Variants in CNTNAP2 observed in about 807,000 individuals in gnomAD.
CNTNAP2 encodes the protein contactin associated protein 2.
A neutral mutation model predicts 155.2 loss-of-function variants in CNTNAP2; 98 were observed. The ratio of observed to expected loss-of-function variants is 0.63; its 90% CI spans 0.54 to 0.75. The LOEUF is 0.75. Among genes scored for constraint, CNTNAP2 ranks in the 30% least tolerant of loss-of-function variants. CNTNAP2 has a pLI of 0.00. For synonymous variants in CNTNAP2, 651 were observed against 631.2 expected (o/e 1.03, Z -0.47); for missense variants, 1,727 against 1,688.1 (o/e 1.02, Z -0.40).
At chr7:147,394,062 C>A (rs1796768225) in intron 9 of CNTNAP2, among the ~76,000 whole-genome samples, 1 of 151,950 alleles carries the variant, frequency 6.6e-6, no homozygotes, top group South Asian at 2.1e-4. Flanking sequence ...ATTGTAGTTC[C>A]CATAATCCCT....
chr7:147,009,147 G>A (rs560278114), intron 3 of CNTNAP2, among the ~76,000 whole-genome samples: 3 of 151,890 alleles, frequency 2.0e-5, no homozygotes, highest in Non-Finnish European at 4.4e-5. Flanking sequence ...TATAAGTAGC[G>A]CAAGTTTCCA....
At position 146,322,634 on chromosome 7, in the gene CNTNAP2, C is replaced by CTTTTTTTTTTTTTTTTTTTTTTTT. The variant is rs56287346; in HGVS notation, c.97+205679_97+205680insTTTTTTTTTTTTTTTTTTTTTTTT. Among the ~76,000 whole-genome samples, 7 of 64,960 alleles carry CTTTTTTTTTTTTTTTTTTTTTTTT rather than the reference C, an allele frequency of 1.1e-4. 3 individuals are homozygous for CTTTTTTTTTTTTTTTTTTTTTTTT. Among genetic ancestry groups the CTTTTTTTTTTTTTTTTTTTTTTTT allele is most frequent in the Non-Finnish European group, 1.4e-4 (5 of 36,418 alleles). The allele number at this position is 64,960 out of a possible 152,430, so 42.6% of individuals were successfully genotyped here. The stretch of plus-strand genomic sequence containing the variant: ...AAGAGGAGACTGTTGTGTTCATTCT[C>CTTTTTTTTTTTTTTTTTTTTTTTT]TTTTTTTTTTTTTTTTTTGCTGGCT... On this transcript the variant is annotated intron_variant, in intron 1 of 23. Coordinates refer to ENST00000361727, the MANE Select transcript of CNTNAP2 (RefSeq NM_014141.6).
chr7:148,367,954 GAAAAT>G (rs1284483744), intron 21 of CNTNAP2, among the ~76,000 whole-genome samples: 4 of 152,166 alleles, frequency 2.6e-5, no homozygotes, highest in Non-Finnish European at 5.9e-5. Flanking sequence ...GCCCAGCTGA[GAAAAT>G]AAGCACACAG....
At chr7:147,298,630 GT>G (rs1794882776) in intron 8 of CNTNAP2, among the ~76,000 whole-genome samples, 1 of 152,140 alleles carries the variant, frequency 6.6e-6, no homozygotes, top group Non-Finnish European at 1.5e-5. Flanking sequence ...AACTAGTAAT[GT>G]ATGATTTTCC....
chr7:147,817,922 A>G (rs1008685321), intron 13 of CNTNAP2, among the ~76,000 whole-genome samples: 1 of 149,818 alleles, frequency 6.7e-6, no homozygotes, highest in African/African-American at 2.5e-5. Flanking sequence ...AAAAAAAAAA[A>G]TAGCAAAGAA....
intron 4 of CNTNAP2, among the ~76,000 whole-genome samples, chr7:147,057,577 T>A (rs1563060319): frequency 6.6e-6 from 1 of 152,158 alleles, no homozygotes; most frequent in Non-Finnish European, 1.5e-5. Context: ...ACTGGAATCT[T>A]TTGCAACATC....
intron 1 of CNTNAP2, among the ~76,000 whole-genome samples, chr7:146,730,160 A>G (rs1801498840): frequency 6.6e-6 from 1 of 152,220 alleles, no homozygotes; most frequent in Admixed American, 6.5e-5. Context: ...CAAAAGAAAC[A>G]TACTGAGACT....
At chr7:147,063,389 A>G (rs1234391600) in intron 4 of CNTNAP2, among the ~76,000 whole-genome samples, 1 of 152,186 alleles carries the variant, frequency 6.6e-6, no homozygotes, top group Non-Finnish European at 1.5e-5. Flanking sequence ...TTGCTCAGCA[A>G]TTTACACTAG....
intron 10 of CNTNAP2, among the ~76,000 whole-genome samples, chr7:147,460,439 C>T (rs1159581546): frequency 6.6e-6 from 1 of 152,112 alleles, no homozygotes; most frequent in Non-Finnish European, 1.5e-5. Context: ...AAATCTGTGG[C>T]TGCATAAATT....
chr7:146,137,608 T>C (rs1047099982), intron 1 of CNTNAP2, among the ~76,000 whole-genome samples: 1 of 152,118 alleles, frequency 6.6e-6, no homozygotes, highest in Non-Finnish European at 1.5e-5. Flanking sequence ...CATTATTTTA[T>C]TTAAAGAAAA....
At chr7:147,758,462 C>A (rs1280246110) in intron 13 of CNTNAP2, among the ~76,000 whole-genome samples, 1 of 152,142 alleles carries the variant, frequency 6.6e-6, no homozygotes, top group African/African-American at 2.4e-5. Flanking sequence ...AGCCAAATAT[C>A]CTGGCCAAAG....
chr7:148,229,560 A>T, intron 19 of CNTNAP2, 86 bp from the exon 20 acceptor site: 1 of 1,484,958 alleles, frequency 6.7e-7, no homozygotes, highest in Non-Finnish European at 9.4e-7. Flanking sequence ...AGAAAGAAAG[A>T]ATCTAAGAGC....
At chr7:146,981,575 C>T (rs867848400) in intron 3 of CNTNAP2, among the ~76,000 whole-genome samples, 57 of 152,018 alleles carry the variant, frequency 3.7e-4, no homozygotes, top group African/African-American at 9.9e-4. Flanking sequence ...TCCTAATTTA[C>T]GTTGATTTCC....
chr7:146,593,950 C>T (rs1045492856), intron 1 of CNTNAP2, among the ~76,000 whole-genome samples: 2 of 152,116 alleles, frequency 1.3e-5, no homozygotes, highest in East Asian at 1.9e-4. Flanking sequence ...CATATCTGAT[C>T]ACCATCAATA....
At chr7:146,688,812 T>TCCTACTATAATGACTA (rs2129171219) in intron 1 of CNTNAP2, among the ~76,000 whole-genome samples, 1 of 152,226 alleles carries the variant, frequency 6.6e-6, no homozygotes, top group Admixed American at 6.5e-5. Flanking sequence ...ACAAAGACTA[T>TCCTACTATAATGACTA]TAATGACTAT....
chr7:146,613,824 GTTCTTTCAGCTT>G (rs11275498), intron 1 of CNTNAP2, among the ~76,000 whole-genome samples: 73,215 of 151,716 alleles, frequency 0.48, 18,491 homozygotes, highest in Non-Finnish European at 0.56. Flanking sequence ...ATCTTTAAGT[GTTCTTTCAGCTT>G]TTCTTTCACA....
chr7:147,934,137 G>A (rs919030322), intron 14 of CNTNAP2, among the ~76,000 whole-genome samples: 6 of 152,092 alleles, frequency 3.9e-5, no homozygotes, highest in East Asian at 1.9e-4. Context: ...TAGTGCTTAC[G>A]GTTAACAATA....
chr7:146,445,213 G>T (rs574832824), intron 1 of CNTNAP2, among the ~76,000 whole-genome samples: 2 of 152,156 alleles, frequency 1.3e-5, no homozygotes, highest in African/African-American at 2.4e-5. Flanking sequence ...AATAAATACT[G>T]CAGTAAATAT....
chr7:148,092,595 T>C (rs571580676), intron 15 of CNTNAP2, among the ~76,000 whole-genome samples: 1 of 152,250 alleles, frequency 6.6e-6, no homozygotes, highest in African/African-American at 2.4e-5. Flanking sequence ...CCTAGTGGTT[T>C]TGAGTAAGAA....
Sources: allele counts gnomAD v4.1 joint callset (sites outside exome capture counted in the v4.1 genomes callset), GRCh38; gene constraint gnomAD v4.1.1; transcripts MANE v1.5; gene names NCBI Gene and HGNC (gene_info 2026-07-23, HGNC 2026-07-21).